CNTN4: variants seen among roughly 807,000 people sequenced by gnomAD.
CNTN4 encodes contactin 4.
CNTN4 carries 77 observed loss-of-function variants against 122.5 expected under a neutral mutation model. The observed-to-expected ratio is 0.63, with a 90% confidence interval of 0.52 to 0.76. The LOEUF is 0.76. Ranked by LOEUF, CNTN4 falls within the 30% of genes least tolerant of loss-of-function variation. The pLI is 0.00. For synonymous variants in CNTN4, 512 were observed against 447.0 expected (o/e 1.15, Z -1.83); for missense variants, 1,256 against 1,259.1 (o/e 1.00, Z 0.04).
chr3:2,147,469 A>G (rs563971798), intron 2 of CNTN4, among the ~76,000 whole-genome samples: 1 of 152,278 alleles, frequency 6.6e-6, no homozygotes, highest in East Asian at 1.9e-4. Flanking sequence ...ATTTTTATGT[A>G]TCATCAATGG....
At chr3:2,713,533 C>T (rs1195694277) in intron 4 of CNTN4, among the ~76,000 whole-genome samples, 1 of 152,144 alleles carries the variant, frequency 6.6e-6, no homozygotes, top group Non-Finnish European at 1.5e-5. Context: ...TTCCTTTCCT[C>T]TGGATATAGG....
intron 3 of CNTN4, among the ~76,000 whole-genome samples, chr3:2,479,261 A>G (rs2075918017): frequency 6.6e-6 from 1 of 152,210 alleles, no homozygotes; most frequent in Admixed American, 6.5e-5. Context: ...CCAGGAAACA[A>G]GTTACTTGTA....
chr3:2,107,498 C>T (rs12488900), intron 2 of CNTN4, among the ~76,000 whole-genome samples: 1 of 152,006 alleles, frequency 6.6e-6, no homozygotes, highest in Non-Finnish European at 1.5e-5. Context: ...GAGAATCATT[C>T]ACTATCACGA....
chr3:2,937,126 T>C lies in CNTN4; in HGVS notation c.1358+11347T>C, dbSNP rs544204620. On this transcript the variant is annotated intron_variant, in intron 13 of 24. Transcript: ENST00000418658. Reference sequence around the variant, plus strand: ...ATGATCTTCCCCCACCTTGGGTTTTTTGTTTGTTTTTGGTTTGCTGTGCCT... The same window carrying C: ...ATGATCTTCCCCCACCTTGGGTTTTCTGTTTGTTTTTGGTTTGCTGTGCCT... Among the ~76,000 whole-genome samples the C allele has an allele frequency of 2.6e-5, 4 of 152,350 alleles. No individual in the cohort carries two copies. In the South Asian group the frequency reaches 8.3e-4, roughly 32 times the overall value.
At chr3:2,779,578 G>A (rs1474673145) in intron 6 of CNTN4, among the ~76,000 whole-genome samples, 1 of 152,192 alleles carries the variant, frequency 6.6e-6, no homozygotes, top group Admixed American at 6.5e-5. Context: ...ACTTTGGAGT[G>A]AGACTAATAA....
intron 2 of CNTN4, among the ~76,000 whole-genome samples, chr3:2,108,911 C>T (rs1208673680): frequency 2.0e-5 from 3 of 150,630 alleles, no homozygotes; most frequent in Non-Finnish European, 2.9e-5. Flanking sequence ...TTTTAAGTAT[C>T]TCTTGCCTAA....
chr3:2,384,757 TGTGC>T (rs1322876913), intron 3 of CNTN4, among the ~76,000 whole-genome samples: 2 of 132,172 alleles, frequency 1.5e-5, no homozygotes, highest in African/African-American at 5.6e-5. Flanking sequence ...CAACTCAATG[TGTGC>T]GTGTGTGTGT....
intron 3 of CNTN4, among the ~76,000 whole-genome samples, chr3:2,346,041 T>A (rs989702447): frequency 6.6e-6 from 1 of 152,192 alleles, no homozygotes; most frequent in Non-Finnish European, 1.5e-5. Flanking sequence ...TCCCCCCTTC[T>A]TTTTTACTAA....
chr3:2,479,647 T>A (rs1375296604), intron 3 of CNTN4, among the ~76,000 whole-genome samples: 1 of 152,152 alleles, frequency 6.6e-6, no homozygotes, highest in African/African-American at 2.4e-5. Context: ...GGAGATAAAT[T>A]ACCTGCTGTA....
In CNTN4 at chr3:2,124,381, A is replaced by T. The variant is rs1205499991; in HGVS notation, c.-145+23742A>T. On this transcript the variant is annotated intron_variant, in intron 2 of 24. Coordinates refer to ENST00000418658, the MANE Select transcript of CNTN4 (RefSeq NM_175607.3). ...TTCTTGGCAGATAGAGGATTCTTTT[A>T]TCTTTGGGGTCATGCATTTTTAAAA... is the stretch of plus-strand genomic sequence containing the variant. Among the ~76,000 whole-genome samples, 3 of 151,022 alleles carry T rather than the reference A, an allele frequency of 2.0e-5. No individual in the cohort carries two copies. The South Asian group carries it at 6.3e-4, about 32-fold the overall frequency.
At chr3:2,953,656 A>G (rs973276793) in intron 13 of CNTN4, among the ~76,000 whole-genome samples, 1 of 152,144 alleles carries the variant, frequency 6.6e-6, no homozygotes, top group East Asian at 1.9e-4. Context: ...GAATTTGAGT[A>G]TATTGAATGA....
In CNTN4 at chr3:2,158,755, T is replaced by A. The variant is rs982044636; in HGVS notation, c.-145+58116T>A. ...GCTGGTGAGCATTAACTCACTCTTGTCATTTGGGAAAGAGAACCCATTGTT... is the reference window on the plus strand; with the variant it reads ...GCTGGTGAGCATTAACTCACTCTTGACATTTGGGAAAGAGAACCCATTGTT... On this transcript the variant is annotated intron_variant, in intron 2 of 24. Coordinates refer to ENST00000418658, the MANE Select transcript of CNTN4 (RefSeq NM_175607.3). Among the ~76,000 whole-genome samples the A allele has an allele frequency of 2.6e-5, 4 of 152,224 alleles. No homozygotes were observed. In the South Asian group the frequency reaches 6.2e-4, roughly 24 times the overall value.
chr3:2,185,046 C>T (rs1575027939), intron 2 of CNTN4, among the ~76,000 whole-genome samples: 2 of 152,134 alleles, frequency 1.3e-5, no homozygotes, highest in Non-Finnish European at 2.9e-5. Context: ...CCTCATTGTG[C>T]AACTGTTGTG....
chr3:2,175,032 C>A (rs2036688893), intron 2 of CNTN4, among the ~76,000 whole-genome samples: 1 of 152,092 alleles, frequency 6.6e-6, no homozygotes. Context: ...GTCAAATGTT[C>A]CAACTATATC....
chr3:2,236,124 G>C (rs967529914), intron 2 of CNTN4, among the ~76,000 whole-genome samples: 2 of 152,186 alleles, frequency 1.3e-5, no homozygotes, highest in African/African-American at 4.8e-5. Flanking sequence ...TGAAAGCACT[G>C]TGTAGCAGCA....
chr3:2,591,585 C>T lies in CNTN4; in HGVS notation c.55+20027C>T, dbSNP rs1385149267. ...TTCACCGTTTTAGCCAGGATGGTCT[C>T]GATCTCCTGACCTCGTGATCCGCCC... On this transcript the variant is annotated intron_variant, in intron 4 of 24. Coordinates refer to ENST00000418658, the MANE Select transcript of CNTN4 (RefSeq NM_175607.3). Among the ~76,000 whole-genome samples the T allele has an allele frequency of 7.7e-5, 4 of 52,048 alleles. 1 individual carries two copies. Among genetic ancestry groups the T allele is most frequent in the South Asian group, 8.2e-4 (1 of 1,226 alleles). The allele number at this position is 52,048 out of a possible 152,430, so 34.1% of individuals were successfully genotyped here.
At chr3:3,026,901 A>T (rs73116695) in intron 15 of CNTN4, among the ~76,000 whole-genome samples, 12,893 of 152,218 alleles carry the variant, frequency 0.085, 628 homozygotes, top group Admixed American at 0.11. Flanking sequence ...AATTCCTATC[A>T]ATCACAATCA....
intron 12 of CNTN4, among the ~76,000 whole-genome samples, chr3:2,918,239 G>A (rs2094390800): frequency 6.6e-6 from 1 of 152,214 alleles, no homozygotes; most frequent in Non-Finnish European, 1.5e-5. Flanking sequence ...AATAGAGCCT[G>A]TATCACTGAA....
At chr3:2,815,891 T>TA (rs1559534875) in intron 6 of CNTN4, among the ~76,000 whole-genome samples, 2 of 147,898 alleles carry the variant, frequency 1.4e-5, no homozygotes, top group South Asian at 2.1e-4. Flanking sequence ...TATATATATA[T>TA]GATGGAATAC....
Sources: gnomAD v4.1 joint callset for allele counts (sites outside exome capture counted in the v4.1 genomes callset) on GRCh38, gnomAD v4.1.1 for gene constraint, MANE v1.5 for transcripts, NCBI Gene and HGNC (gene_info 2026-07-23, HGNC 2026-07-21) for gene names.